The following FGF14 variants were observed in gnomAD, a reference collection of about 807,000 sequenced individuals.
FGF14 encodes the protein fibroblast growth factor homologous factor 4.
In FGF14, 5 loss-of-function variants were observed where a neutral mutation model predicts 25.5. The observed-to-expected ratio is 0.20, with a 90% CI of 0.10 to 0.41. The LOEUF (loss-of-function observed/expected upper bound fraction) is 0.41. Ranked by LOEUF, FGF14 falls within the 10% of genes least tolerant of loss-of-function variation. The probability of loss-of-function intolerance (pLI) is 1.00; values close to 1 mark genes in which losing one functional copy is unlikely to be tolerated. For missense variants in FGF14, 222 were observed against 320.1 expected, an observed-to-expected ratio of 0.69 and a Z score of 2.34; for synonymous variants, 138 against 118.3, an observed-to-expected ratio of 1.17 and a Z score of -1.08.
At chr13:102,163,523 T>TGC (rs1234252976) in intron 1 of FGF14, among the ~76,000 whole-genome samples, 1 of 152,072 alleles carries the variant, frequency 6.6e-6, no homozygotes, top group Non-Finnish European at 1.5e-5. Flanking sequence ...ACTTAAGAAA[T>TGC]GCTCTATAAC....
intron 1 of FGF14, among the ~76,000 whole-genome samples, chr13:102,042,138 C>T (rs1443672321): frequency 6.6e-6 from 1 of 152,158 alleles, no homozygotes; most frequent in Non-Finnish European, 1.5e-5. Flanking sequence ...TTCTGGTTCA[C>T]CTACTACCTA....
At chr13:101,931,698 C>T (rs1228315193) in intron 1 of FGF14, among the ~76,000 whole-genome samples, 1 of 152,202 alleles carries the variant, frequency 6.6e-6, no homozygotes, top group African/African-American at 2.4e-5. Flanking sequence ...GTGAGCCGGA[C>T]AGGACACTGA....
chr13:102,223,421 CT>C (rs1324564285), intron 1 of FGF14, among the ~76,000 whole-genome samples: 5 of 152,156 alleles, frequency 3.3e-5, no homozygotes, highest in African/African-American at 9.7e-5. Flanking sequence ...AGTGCTGCCC[CT>C]GGGATCACTG....
intron 3 of FGF14, among the ~76,000 whole-genome samples, chr13:101,857,365 G>A (rs2044179151): frequency 6.6e-6 from 1 of 151,918 alleles, no homozygotes; most frequent in Non-Finnish European, 1.5e-5. Flanking sequence ...CAATTATGGT[G>A]CTTTTGTATG....
chr13:102,276,954 A>G (rs2053580617), intron 1 of FGF14, among the ~76,000 whole-genome samples: 1 of 152,214 alleles, frequency 6.6e-6, no homozygotes, highest in Non-Finnish European at 1.5e-5. Flanking sequence ...CCAAGAAGCA[A>G]AAGTTATGAA....
In FGF14 at chr13:102,130,948, T is replaced by C. The variant is rs554579330; in HGVS notation, c.209-255652A>G. Among the ~76,000 whole-genome samples, 8 of 152,304 alleles carry C rather than the reference T, an allele frequency of 5.3e-5. No homozygotes were observed. The South Asian group carries it at 1.5e-3, about 28-fold the overall frequency. On this transcript the variant is annotated intron_variant, in intron 1 of 4. Transcript: ENST00000376131. ...GTTGCCCAAGAGCCATTAAATACAT[T>C]TGCCCCCACTTTTTGCTTAAATGGA...
intron 1 of FGF14, among the ~76,000 whole-genome samples, chr13:101,900,238 T>A (rs1301000697): frequency 6.6e-6 from 1 of 152,164 alleles, no homozygotes; most frequent in African/African-American, 2.4e-5. Flanking sequence ...AATTCTTCAA[T>A]GGCTTAAAAT....
chr13:102,160,081 C>T (rs2047551915), intron 1 of FGF14, among the ~76,000 whole-genome samples: 1 of 152,166 alleles, frequency 6.6e-6, no homozygotes, highest in Non-Finnish European at 1.5e-5. Context: ...CCCTGGCACA[C>T]CTTCCTCCAT....
In FGF14 at chr13:102,034,836, T is replaced by C. The variant is rs573681752; in HGVS notation, c.209-159540A>G. 5.3e-5 allele frequency among the ~76,000 whole-genome samples: 8 copies of C among 152,186 alleles called. No individual in the cohort carries two copies. In the South Asian group the frequency reaches 1.2e-3, roughly 24 times the overall value. On this transcript the variant is annotated intron_variant, in intron 1 of 4. Coordinates refer to the FGF14 transcript ENST00000376131. ...CCTTGAGCACCTGCTGGAGTAAATG[T>C]ATGGCCCCAGACTCTCTATGAACAG...
In FGF14 at chr13:101,884,062, CAAAA is replaced by C. The variant is rs11315735; in HGVS notation, c.194-8770_194-8767del. Among the ~76,000 whole-genome samples, 253 of 37,824 alleles carry C rather than the reference CAAAA, an allele frequency of 6.7e-3. 1 individual carries two copies. Among genetic ancestry groups the C allele is most frequent in the African/African-American group, 0.011 (106 of 9,254 alleles). 24.8% of individuals were successfully genotyped at this position (37,824 alleles called of 152,430 possible). ...TGGGCAACAGAGTAAGACTCCATCT[CAAAA>C]AAAAAAAAAAAAAAAAAAAAAGACA... On this transcript the variant is annotated intron_variant, in intron 1 of 4. Coordinates refer to ENST00000376143, the MANE Select transcript of FGF14 (RefSeq NM_004115.4).
At chr13:102,049,346 A>G (rs2042120759) in intron 1 of FGF14, among the ~76,000 whole-genome samples, 1 of 152,166 alleles carries the variant, frequency 6.6e-6, no homozygotes, top group Non-Finnish European at 1.5e-5. Context: ...ATTGACTTTA[A>G]AATCATTATT....
At position 102,360,619 on chromosome 13, in the gene FGF14, T is replaced by A. The variant is rs577183024; in HGVS notation, c.208+40852A>T. Among the ~76,000 whole-genome samples, 16 of 152,292 alleles carry A rather than the reference T, an allele frequency of 1.1e-4. No individual in the cohort carries two copies. In the East Asian group the frequency reaches 2.3e-3, roughly 22 times the overall value. ...TATAAACTCTCAATTAGAGTTTACA[T>A]AAATCACAGGTAATACCTCCACAGT... On this transcript the variant is annotated intron_variant, in intron 1 of 4. Transcript: ENST00000376131.
At chr13:102,034,632 T>C (rs79067203) in intron 1 of FGF14, among the ~76,000 whole-genome samples, 5,254 of 152,030 alleles carry the variant, frequency 0.035, 275 homozygotes, top group African/African-American at 0.12. Context: ...TGAAAATCAA[T>C]GCAAAAATAT....
intron 3 of FGF14, among the ~76,000 whole-genome samples, chr13:101,745,780 T>C (rs1054756408): frequency 6.6e-6 from 1 of 152,006 alleles, no homozygotes; most frequent in Non-Finnish European, 1.5e-5. Context: ...ATAAAGCTTA[T>C]ATGGAGAGAA....
chr13:102,206,206 G>C (rs115743155), intron 1 of FGF14, among the ~76,000 whole-genome samples: 2 of 151,382 alleles, frequency 1.3e-5, no homozygotes, highest in Admixed American at 6.6e-5. Flanking sequence ...TTGGGTGTAC[G>C]GTAAAAATCT....
intron 1 of FGF14, among the ~76,000 whole-genome samples, chr13:101,962,804 C>A (rs574553080): frequency 6.6e-6 from 1 of 152,206 alleles, no homozygotes. Context: ...GTACTGCATC[C>A]AGCTTGCTGC....
chr13:102,031,463 T>C (rs1347223598), intron 1 of FGF14, among the ~76,000 whole-genome samples: 1 of 152,096 alleles, frequency 6.6e-6, no homozygotes, highest in Non-Finnish European at 1.5e-5. Flanking sequence ...TGAGTTACTA[T>C]AAAGCCATGC....
chr13:102,311,699 C>G (rs577305336), intron 1 of FGF14, among the ~76,000 whole-genome samples: 1 of 152,284 alleles, frequency 6.6e-6, no homozygotes, highest in East Asian at 1.9e-4. Context: ...TTGAAACGAA[C>G]AAAGAACTGA....
At chr13:102,394,458 C>T (rs377240579) in intron 1 of FGF14, 2 of 152,476 alleles carry the variant, frequency 1.3e-5, no homozygotes, top group East Asian at 3.9e-4. Flanking sequence ...GCCCTAGCCC[C>T]GACCCGCGCC....
Sources: allele counts gnomAD v4.1 joint callset (sites outside exome capture counted in the v4.1 genomes callset), GRCh38; gene constraint gnomAD v4.1.1; transcripts MANE v1.5; gene names NCBI Gene and HGNC (gene_info 2026-07-23, HGNC 2026-07-21).